CNBP: variants seen among roughly 807,000 people sequenced by gnomAD.
CNBP encodes the protein cellular nucleic acid-binding protein.
Under a neutral mutation model 21.2 loss-of-function variants are expected in CNBP, and 6 were observed. That is an observed-to-expected ratio of 0.28 (90% CI 0.16 to 0.56). The LOEUF (loss-of-function observed/expected upper bound fraction) is 0.56. Ranked by LOEUF, CNBP falls within the 20% of genes least tolerant of loss-of-function variation. The pLI is 0.93. For synonymous variants in CNBP, 61 were observed against 74.9 expected, an observed-to-expected ratio of 0.81 and a Z score of 0.96; for missense variants, 112 against 233.1, an observed-to-expected ratio of 0.48 and a Z score of 3.38.
intron 1 of CNBP, among the ~76,000 whole-genome samples, chr3:129,176,071 T>C (rs984497968): frequency 6.6e-6 from 1 of 152,200 alleles, no homozygotes; most frequent in East Asian, 1.9e-4. Context: ...CAGGTCCCCA[T>C]CCTAGCACTC....
chr3:129,169,282 G>A lies in CNBP; in HGVS notation c.*1171C>T, dbSNP rs141948051. On this transcript the variant is annotated 3_prime_UTR_variant, in exon 5 of 5. Coordinates refer to ENST00000422453, the MANE Select transcript of CNBP (RefSeq NM_003418.5). ...GCCTGGGCGACAAGAGTGAGACTCCGTCTCCAAAACAAAACAAAACCACCA... is the reference window on the plus strand; with the variant it reads ...GCCTGGGCGACAAGAGTGAGACTCCATCTCCAAAACAAAACAAAACCACCA... Among the ~76,000 whole-genome samples the A allele has an allele frequency of 5.2e-3, 790 of 152,118 alleles. 7 individuals are homozygous for A. Among genetic ancestry groups the A allele is most frequent in the African/African-American group, 0.016 (675 of 41,492 alleles).
rs1051192567 is a variant in CNBP, at chr3:129,169,484, T to C, written c.*969A>G. 5.0e-6 allele frequency: 1 copy of C among 200,384 alleles called. No homozygotes were observed. Among genetic ancestry groups the C allele is most frequent in the Non-Finnish European group, 1.0e-5 (1 of 97,138 alleles). The allele number at this position is 200,384 out of a possible 1,614,324, so 12.4% of individuals were successfully genotyped here. A position where few individuals can be genotyped will look rare whatever the true frequency, so the allele number is the denominator to read the frequency against. On this transcript the variant is annotated 3_prime_UTR_variant, in exon 5 of 5. Transcript: ENST00000422453. The stretch of plus-strand genomic sequence containing the variant: ...AAAAAGAAAAGTCCAAACTGTCAGC[T>C]TTCAGTCCTCCACATTCCCCTCTTT...
rs528218053 is a variant in CNBP, at chr3:129,172,963, C to T, written c.-14-1192G>A. Among the ~76,000 whole-genome samples, 8 of 152,260 alleles carry T rather than the reference C, an allele frequency of 5.3e-5. No homozygotes were observed. The South Asian group carries it at 1.7e-3, about 32-fold the overall frequency. On this transcript the variant is annotated intron_variant, in intron 1 of 4. Transcript: ENST00000422453. ...GCACCTGACGTAGTACCTAGTTATA[C>T]TGCAGCACTTGCCTGGTGACTGAGA...
In CNBP at chr3:129,168,765, A is replaced by G. The variant is rs1239229531; in HGVS notation, c.*1688T>C. On this transcript the variant is annotated 3_prime_UTR_variant, in exon 5 of 5. Transcript: ENST00000422453. ...CACCTGAGGTCAGGAGTTGGAGACC[A>G]GCCCGACCAACATGATGAAACCCAG... Among the ~76,000 whole-genome samples the G allele has an allele frequency of 6.6e-6, 1 of 151,994 alleles. No individual in the cohort carries two copies. Among genetic ancestry groups the G allele is most frequent in the East Asian group, 1.9e-4 (1 of 5,190 alleles).
At chr3:129,178,777 G>A (rs999403020) in intron 1 of CNBP, among the ~76,000 whole-genome samples, 1 of 148,764 alleles carries the variant, frequency 6.7e-6, no homozygotes, top group Non-Finnish European at 1.5e-5. Flanking sequence ...ACGGAGTCTT[G>A]CTTCGCCCAG....
At position 129,168,887 on chromosome 3, in the gene CNBP, G is replaced by C. The variant is rs1425788793; in HGVS notation, c.*1566C>G. On this transcript the variant is annotated 3_prime_UTR_variant, in exon 5 of 5. Coordinates refer to ENST00000422453, the MANE Select transcript of CNBP (RefSeq NM_003418.5). Reference sequence around the variant, plus strand: ...CAAGGCGGGCGGATCACGAGGTCAGGAGATTGAGACCATCCTGGCTAACAC... The same window carrying C: ...CAAGGCGGGCGGATCACGAGGTCAGCAGATTGAGACCATCCTGGCTAACAC... Among the ~76,000 whole-genome samples, 1 of 151,180 alleles carries C rather than the reference G, an allele frequency of 6.6e-6. No individual in the cohort carries two copies. Among genetic ancestry groups the C allele is most frequent in the Non-Finnish European group, 1.5e-5 (1 of 67,876 alleles).
chr3:129,177,751 A>G (rs866311024), intron 1 of CNBP, among the ~76,000 whole-genome samples: 10 of 152,216 alleles, frequency 6.6e-5, no homozygotes, highest in Admixed American at 2.0e-4. Context: ...AGACATCAAG[A>G]TATTTGTCCT....
chr3:129,180,456 A>T (rs1379979793), intron 1 of CNBP, among the ~76,000 whole-genome samples: 1 of 152,246 alleles, frequency 6.6e-6, no homozygotes, highest in Non-Finnish European at 1.5e-5. Context: ...ATTCCAGGTG[A>T]TCACTGTAGC....
At chr3:129,180,493 C>T (rs945606760) in intron 1 of CNBP, among the ~76,000 whole-genome samples, 6 of 152,202 alleles carry the variant, frequency 3.9e-5, no homozygotes, top group Non-Finnish European at 7.3e-5. Context: ...TTAACAAAAT[C>T]CTTCTAATTA....
intron 1 of CNBP, among the ~76,000 whole-genome samples, chr3:129,182,299 A>G (rs1425100511): frequency 6.6e-6 from 1 of 152,204 alleles, no homozygotes; most frequent in Non-Finnish European, 1.5e-5. Flanking sequence ...AAGACAAAAA[A>G]CAAATTCAGT....
chr3:129,183,170 G>C (rs527608266), intron 1 of CNBP, among the ~76,000 whole-genome samples: 1 of 152,204 alleles, frequency 6.6e-6, no homozygotes, highest in South Asian at 2.1e-4. Context: ...GGCTGGTCTC[G>C]AACTCCTGAC....
intron 1 of CNBP, among the ~76,000 whole-genome samples, chr3:129,182,733 T>G (rs1938387556): frequency 6.6e-6 from 1 of 152,174 alleles, no homozygotes; most frequent in South Asian, 2.1e-4. Context: ...TCCCAGCAAC[T>G]TAAATAGTGT....
intron 1 of CNBP, among the ~76,000 whole-genome samples, chr3:129,174,041 C>G (rs1937716002): frequency 6.6e-6 from 1 of 152,052 alleles, no homozygotes; most frequent in Non-Finnish European, 1.5e-5. Flanking sequence ...GAAAATAACA[C>G]AATACTCACT....
intron 1 of CNBP, among the ~76,000 whole-genome samples, chr3:129,178,409 G>C (rs1429031722): frequency 6.6e-6 from 1 of 152,036 alleles, no homozygotes; most frequent in Non-Finnish European, 1.5e-5. Context: ...AACAACTAGG[G>C]TTCTAATAAA....
chr3:129,168,175 T>C lies in CNBP; in HGVS notation c.*2278A>G, dbSNP rs1937491382. ...TTTCGAAGTGGGGGGAAACAGGGCA[T>C]GGGGAGTGAATAATGGTTGAAGTTC... On this transcript the variant is annotated 3_prime_UTR_variant, in exon 5 of 5. Coordinates refer to ENST00000422453, the MANE Select transcript of CNBP (RefSeq NM_003418.5). Among the ~76,000 whole-genome samples, 1 of 152,150 alleles carries C rather than the reference T, an allele frequency of 6.6e-6. No individual in the cohort carries two copies. Among genetic ancestry groups the C allele is most frequent in the African/African-American group, 2.4e-5 (1 of 41,438 alleles).
At chr3:129,181,021 CCTGAGGT>C (rs1294045232) in intron 1 of CNBP, among the ~76,000 whole-genome samples, 1 of 151,574 alleles carries the variant, frequency 6.6e-6, no homozygotes, top group Non-Finnish European at 1.5e-5. Context: ...GGGTGAATTA[CCTGAGGT>C]CAGGAGATCA....
intron 1 of CNBP, among the ~76,000 whole-genome samples, chr3:129,172,197 T>C (rs1937583816): frequency 6.6e-5 from 10 of 151,996 alleles, no homozygotes; most frequent in Admixed American, 5.9e-4. Context: ...CACAACTACA[T>C]GATTGGGTAT....
At chr3:129,181,204 C>T (rs544489975) in intron 1 of CNBP, among the ~76,000 whole-genome samples, 1 of 132,224 alleles carries the variant, frequency 7.6e-6, no homozygotes, top group Admixed American at 8.6e-5. Context: ...TGTGCCACTG[C>T]ATTCCAGCCT....
chr3:129,174,336 G>T (rs764502946), intron 1 of CNBP, among the ~76,000 whole-genome samples: 114 of 101,062 alleles, frequency 1.1e-3, no homozygotes, highest in Non-Finnish European at 1.9e-3. Context: ...TTCCACCACA[G>T]AAGAGTCAGA....
Sources: allele counts gnomAD v4.1 joint callset (sites outside exome capture counted in the v4.1 genomes callset), GRCh38; gene constraint gnomAD v4.1.1; transcripts MANE v1.5; gene names NCBI Gene and HGNC (gene_info 2026-07-23, HGNC 2026-07-21).